The following NUP54 variants were observed in gnomAD, a reference collection of about 807,000 sequenced individuals.
NUP54 encodes the protein nucleoporin 54, also known as nucleoporin p54.
A neutral mutation model predicts 66.4 loss-of-function variants in NUP54; 27 were observed. The observed-to-expected ratio is 0.41, with a 90% CI of 0.30 to 0.56. NUP54 has a LOEUF of 0.56. Among genes scored for constraint, NUP54 ranks in the 20% least tolerant of loss-of-function variants. The pLI is 0.34. For synonymous variants in NUP54, 206 were observed against 210.7 expected (o/e 0.98, Z 0.19); for missense variants, 486 against 596.3 (o/e 0.82, Z 1.93).
At chr4:76,125,501 G>C (rs181564211) in intron 8 of NUP54, among the ~76,000 whole-genome samples, 1 of 149,218 alleles carries the variant, frequency 6.7e-6, no homozygotes, top group African/African-American at 2.5e-5. Context: ...CAGGTGTAGT[G>C]CTACATGCCT....
chr4:76,128,233 A>T (rs1353767170), intron 8 of NUP54, among the ~76,000 whole-genome samples: 1 of 152,138 alleles, frequency 6.6e-6, no homozygotes, highest in African/African-American at 2.4e-5. Flanking sequence ...GAATGTGTGC[A>T]GCATCTGGGC....
intron 3 of NUP54, 146 bp downstream of exon 3, chr4:76,144,003 T>C: frequency 1.2e-6 from 1 of 826,864 alleles, no homozygotes; most frequent in East Asian, 2.7e-5. Flanking sequence ...TGCTATCATA[T>C]TTAAACATGA....
At chr4:76,133,548 C>T (rs1730906980) in intron 5 of NUP54, among the ~76,000 whole-genome samples, 1 of 152,092 alleles carries the variant, frequency 6.6e-6, no homozygotes, top group South Asian at 2.1e-4. Context: ...ACCTCATGAT[C>T]CGCCCGTCTC....
At chr4:76,134,486 T>G (rs1730947268) in intron 4 of NUP54, 124 bp from the exon 5 acceptor site, 2 of 787,280 alleles carry the variant, frequency 2.5e-6, no homozygotes, top group Non-Finnish European at 3.9e-6. Context: ...ATTAAGGGAA[T>G]AATGATTCTT....
rs1553945114 is a variant in NUP54 at position 76,144,428 on chromosome 4, G to A, written c.113C>T (p.Ala38Val). ...FGTTSTTAGS[A>V]FSFSAPTNTG... The stretch of plus-strand genomic sequence containing the variant: ...GTTAGTTGGGGCAGAAAAGCTGAAT[G>A]CAGAACCTGCAGTTGTAGATGTTGT... The change falls in exon 2 of 12, where the codon GCA (alanine) becomes GTA (valine). Residue 38 changes from alanine (A) to valine (V), a missense_variant. By Grantham distance (64) the Ala-to-Val change is moderately conservative (BLOSUM62 0). Transcript: ENST00000264883. The A allele has an allele frequency of 1.2e-6, 2 of 1,608,756 alleles. No homozygotes were observed. The highest frequency in any genetic ancestry group is 8.5e-7 in the Non-Finnish European group (1 of 1,178,682).
chr4:76,132,808 G>T, intron 5 of NUP54, 89 bp from the exon 6 acceptor site: 2 of 958,264 alleles, frequency 2.1e-6, no homozygotes, highest in Non-Finnish European at 3.1e-6. Flanking sequence ...ATTTCAGAAG[G>T]GTTTAAGTTG....
intron 9 of NUP54, among the ~76,000 whole-genome samples, chr4:76,123,573 C>T (rs1340162229): frequency 1.3e-5 from 2 of 151,946 alleles, no homozygotes; most frequent in African/African-American, 2.4e-5. Flanking sequence ...AGTGCAGTGG[C>T]GTGATCTCGG....
In NUP54 at chr4:76,136,426, C is replaced by A; in HGVS notation, c.296-14G>T. On this transcript the variant is annotated splice_polypyrimidine_tract_variant and intron_variant, in intron 3 of 11. Coordinates refer to ENST00000264883, the MANE Select transcript of NUP54 (RefSeq NM_017426.4). ...GACCACCTAATGCTAAAAATGTACCCAAAATTAGTATTTAAAAACAAAACA... is the reference window on the plus strand; with the variant it reads ...GACCACCTAATGCTAAAAATGTACCAAAAATTAGTATTTAAAAACAAAACA... The A allele has an allele frequency of 6.3e-7, 1 of 1,592,746 alleles. No individual in the cohort carries two copies. Among genetic ancestry groups the A allele is most frequent in the South Asian group, 1.1e-5 (1 of 88,954 alleles).
intron 4 of NUP54, 26 bp downstream of exon 4, chr4:76,136,160 G>A (rs1332741435): frequency 1.3e-6 from 2 of 1,494,758 alleles, no homozygotes; most frequent in South Asian, 1.2e-5. Flanking sequence ...ATCTTCAACT[G>A]AAGATAAAAA....
intron 11 of NUP54, 117 bp downstream of exon 11, chr4:76,117,547 A>G: frequency 1.5e-6 from 1 of 660,270 alleles, no homozygotes. Flanking sequence ...CAGTGCAAGA[A>G]AGTTCCAATT....
intron 1 of NUP54, 142 bp from the exon 2 acceptor site, chr4:76,144,615 A>G: frequency 1.6e-6 from 1 of 619,430 alleles, no homozygotes; most frequent in East Asian, 3.0e-5. Context: ...TTCAAGATCA[A>G]TTTTTTAAAA....
chr4:76,129,486 A>G (rs994204386), intron 8 of NUP54, among the ~76,000 whole-genome samples: 1 of 152,164 alleles, frequency 6.6e-6, no homozygotes, highest in African/African-American at 2.4e-5. Context: ...CTATCAACCA[A>G]CTGGATCTCA....
At chr4:76,137,635 G>C (rs62300616) in intron 3 of NUP54, among the ~76,000 whole-genome samples, 19,931 of 151,756 alleles carry the variant, frequency 0.13, 1,511 homozygotes, top group East Asian at 0.34. Flanking sequence ...TGTAACTTTG[G>C]GCAAATCAAC....
At chr4:76,148,043 G>A in intron 1 of NUP54, 2 of 413,314 alleles carry the variant, frequency 4.8e-6, no homozygotes, top group Non-Finnish European at 8.6e-6. Context: ...AGGACTCCCC[G>A]GCAGCGGGAA....
intron 1 of NUP54, chr4:76,145,980 C>T (rs735696): frequency 0.46 from 145,457 of 312,996 alleles, 36,101 homozygotes; most frequent in East Asian, 0.9. Flanking sequence ...AAAAGTCACC[C>T]ACAGTACTAA....
In NUP54 at chr4:76,147,821, T is replaced by C. The variant is rs1360543157; in HGVS notation, c.67+487A>G. 7 of 369,018 alleles carry C rather than the reference T, an allele frequency of 1.9e-5. No homozygotes were observed. In the East Asian group the frequency reaches 4.4e-4, roughly 23 times the overall value. 22.9% of individuals were successfully genotyped at this position (369,018 alleles called of 1,614,324 possible). On this transcript the variant is annotated intron_variant, in intron 1 of 11. Coordinates refer to ENST00000264883, the MANE Select transcript of NUP54 (RefSeq NM_017426.4). ...TGGGGTGGGGCAGATGGAAGAAGCA[T>C]GACGGATAAACCCCACAGCGAGGAC...
chr4:76,117,111 A>G (rs546843653), intron 11 of NUP54, among the ~76,000 whole-genome samples: 3 of 152,262 alleles, frequency 2.0e-5, no homozygotes, highest in Non-Finnish European at 2.9e-5. Flanking sequence ...CACCCTGGCA[A>G]CCACCTTTCT....
At chr4:76,130,843 T>C (rs1730770338) in intron 7 of NUP54, 94 bp from the exon 8 acceptor site, 1 of 803,172 alleles carries the variant, frequency 1.2e-6, no homozygotes, top group Non-Finnish European at 2.1e-6. Flanking sequence ...TAATTTTACA[T>C]CAACTTTCTA....
intron 7 of NUP54, 95 bp from the exon 8 acceptor site, chr4:76,130,844 C>T (rs1250478877): frequency 1.0e-5 from 8 of 797,820 alleles, no homozygotes; most frequent in African/African-American, 1.7e-5. Context: ...AATTTTACAT[C>T]AACTTTCTAG....
Sources: gnomAD v4.1 joint callset for allele counts (sites outside exome capture counted in the v4.1 genomes callset) on GRCh38, gnomAD v4.1.1 for gene constraint, MANE v1.5 for transcripts, NCBI Gene and HGNC (gene_info 2026-07-23, HGNC 2026-07-21) for gene names.